Variants in HTD2 observed in about 807,000 individuals in gnomAD.
HTD2 encodes the protein hydroxyacyl-thioester dehydratase type 2, mitochondrial.
In HTD2, 1 loss-of-function variant was observed where a neutral mutation model predicts 3.1. The ratio of observed to expected loss-of-function variants is 0.32; its 90% CI spans 0.11 to 1.52. The LOEUF (loss-of-function observed/expected upper bound fraction) is 1.52. Among genes scored for constraint, HTD2 ranks in the 40% most tolerant of loss-of-function variants. HTD2 has a pLI of 0.39. For synonymous variants in HTD2, 50 were observed against 28.9 expected (o/e 1.73, Z -2.34); for missense variants, 150 against 79.6 (o/e 1.88, Z -3.36).
chr3:58,310,452 T>C, intron 1 of HTD2, 55 bp from the exon 2 acceptor site: 1 of 1,603,144 alleles, frequency 6.2e-7, no homozygotes, highest in East Asian at 2.2e-5. Context: ...TTTTCTAACA[T>C]GAATCTGAAT....
chr3:58,314,788 G>A (rs2097486594), intron 2 of HTD2, among the ~76,000 whole-genome samples: 1 of 149,092 alleles, frequency 6.7e-6, no homozygotes, highest in Admixed American at 6.8e-5. Context: ...AGGTTCAGGC[G>A]ATTCTCCTGT....
chr3:58,314,675 ATTTTT>A (rs751757663), intron 2 of HTD2, among the ~76,000 whole-genome samples: 1 of 90,556 alleles, frequency 1.1e-5, no homozygotes, highest in Non-Finnish European at 1.9e-5. Context: ...GTTTGGCAGT[ATTTTT>A]TTTTTTTTTT....
chr3:58,318,012 G>A lies in HTD2; in HGVS notation c.399G>A (p.Leu133=), dbSNP rs1450992424. Residue 133 remains leucine, a synonymous_variant, in exon 5 of 5, where the codon CTG becomes CTA. Coordinates refer to ENST00000461393, the MANE Select transcript of HTD2 (RefSeq NM_001348712.2). Reference sequence around the variant, plus strand: ...TAGCTTCTGCAGAAGTGAAAAAGCTGAAGCGGTTCATTGCTATTATTGCAG... The same window carrying A: ...TAGCTTCTGCAGAAGTGAAAAAGCTAAAGCGGTTCATTGCTATTATTGCAG... ...VVLASAEVKK[L]KRFIAIIAVS... The A allele has an allele frequency of 1.4e-6, 1 of 702,744 alleles. No individual in the cohort carries two copies. The allele number at this position is 702,744 out of a possible 1,614,324, so 43.5% of individuals were successfully genotyped here.
At chr3:58,316,385 G>A (rs1559795728) in intron 2 of HTD2, 130 bp from the exon 3 acceptor site, 2 of 781,390 alleles carry the variant, frequency 2.6e-6, no homozygotes, top group South Asian at 1.6e-5. Flanking sequence ...CAACTAAAGT[G>A]CCAGCACCAT....
In HTD2 at chr3:58,310,499, T is replaced by C; in HGVS notation, c.-415-8T>C. 1 of 1,607,484 alleles carries C rather than the reference T, an allele frequency of 6.2e-7. No homozygotes were observed. The highest frequency in any genetic ancestry group is 8.5e-7 in the Non-Finnish European group (1 of 1,177,904). On this transcript the variant is annotated splice_polypyrimidine_tract_variant and splice_region_variant and intron_variant, in intron 1 of 4. Transcript: ENST00000461393. ...TAATATGACTTTTTTTTTTTTCACT[T>C]TTTTTAGAGAATTTCAAGATTGTGG...
Position 58,317,004 on chromosome 3 carries a change from T to C in HTD2, c.-175+11T>C, listed in dbSNP as rs1196046191. Reference sequence around the variant, plus strand: ...TTCCGGGTGATTCAGGTAAAGACTATTCCCTCACATATTCCAAACAAGACT... The same window carrying C: ...TTCCGGGTGATTCAGGTAAAGACTACTCCCTCACATATTCCAAACAAGACT... On this transcript the variant is annotated intron_variant, in intron 4 of 4. Coordinates refer to ENST00000461393, the MANE Select transcript of HTD2 (RefSeq NM_001348712.2). 4 of 1,597,140 alleles carry C rather than the reference T, an allele frequency of 2.5e-6. No homozygotes were observed. In the South Asian group the frequency reaches 4.4e-5, roughly 18 times the overall value.
chr3:58,313,795 G>T (rs1025182768), intron 2 of HTD2, among the ~76,000 whole-genome samples: 10 of 151,810 alleles, frequency 6.6e-5, no homozygotes, highest in African/African-American at 1.9e-4. Context: ...TCCATGGCTG[G>T]GGGTAGGGGT....
chr3:58,316,564 T>G lies in HTD2; in HGVS notation c.-281T>G, dbSNP rs140463340. 4.3e-5 allele frequency: 69 copies of G among 1,614,122 alleles called. No homozygotes were observed. The East Asian group carries it at 1.5e-3, about 34-fold the overall frequency. On this transcript the variant is annotated 5_prime_UTR_variant, in exon 3 of 5. Transcript: ENST00000461393. ...ATCCTAACCTATGAAGAGAAGACCT[T>G]GTCAGCCATCTTGAGAATATGTAGC...
At chr3:58,307,964 A>G (rs1044618898) in intron 1 of HTD2, 5 of 151,734 alleles carry the variant, frequency 3.3e-5, no homozygotes, top group African/African-American at 1.2e-4. Flanking sequence ...ACCACTGTCC[A>G]TCTCGTGAAT....
Position 58,310,598 on chromosome 3 carries a change from A to G in HTD2, c.-331+7A>G. 2 of 1,607,668 alleles carry G rather than the reference A, an allele frequency of 1.2e-6. No homozygotes were observed. The highest frequency in any genetic ancestry group is 1.7e-6 in the Non-Finnish European group (2 of 1,176,790). On this transcript the variant is annotated splice_region_variant and intron_variant, in intron 2 of 4. Coordinates refer to ENST00000461393, the MANE Select transcript of HTD2 (RefSeq NM_001348712.2). ...GAAGGACCTGTTTGGGGAGGTATGGAATCACTTGGTAGATTGAACATTCCA... is the reference window on the plus strand; with the variant it reads ...GAAGGACCTGTTTGGGGAGGTATGGGATCACTTGGTAGATTGAACATTCCA...
chr3:58,309,119 G>A (rs765808697), intron 1 of HTD2, among the ~76,000 whole-genome samples: 1 of 152,248 alleles, frequency 6.6e-6, no homozygotes, highest in African/African-American at 2.4e-5. Flanking sequence ...GCAGACACAG[G>A]ATGGGAGGAG....
At position 58,310,205 on chromosome 3, in the gene HTD2, T is replaced by C. The variant is rs1250898444; in HGVS notation, c.-415-302T>C. ...CTAGGTGACAGGGTGAGACCCTGCC[T>C]TAAAACAAACAAACAAAAAAAACCC... On this transcript the variant is annotated intron_variant, in intron 1 of 4. Transcript: ENST00000461393. 9.7e-6 allele frequency: 8 copies of C among 828,702 alleles called. No homozygotes were observed. The East Asian group carries it at 1.8e-4, about 19-fold the overall frequency. The allele number at this position is 828,702 out of a possible 1,614,324, so 51.3% of individuals were successfully genotyped here.
chr3:58,310,293 T>C (rs1259814914), intron 1 of HTD2: 2 of 1,589,028 alleles, frequency 1.3e-6, no homozygotes, highest in South Asian at 2.2e-5. Flanking sequence ...TTTCTAGCCC[T>C]CTTGACTTAC....
intron 1 of HTD2, chr3:58,308,044 C>T (rs2097477558): frequency 6.6e-6 from 1 of 151,606 alleles, no homozygotes; most frequent in Non-Finnish European, 1.5e-5. Context: ...TTTAGGCAGC[C>T]AGCTCCATCA....
At chr3:58,308,403 C>T (rs182455558) in intron 1 of HTD2, among the ~76,000 whole-genome samples, 46 of 152,198 alleles carry the variant, frequency 3.0e-4, no homozygotes, top group Admixed American at 2.9e-3. Flanking sequence ...CCCACCTCAG[C>T]CCCTGGAGTA....
chr3:58,310,928 C>CA (rs35474505), intron 2 of HTD2, among the ~76,000 whole-genome samples: 39 of 119,032 alleles, frequency 3.3e-4, no homozygotes, highest in South Asian at 7.3e-4. Flanking sequence ...GACTCTGTCA[C>CA]AAAAAAAAAA....
intron 1 of HTD2, among the ~76,000 whole-genome samples, chr3:58,309,194 G>A (rs193041869): frequency 6.6e-6 from 1 of 152,322 alleles, no homozygotes; most frequent in Admixed American, 6.5e-5. Flanking sequence ...TAAACAAGAA[G>A]AGGACCTTCA....
At chr3:58,306,974 G>A (rs1196768016) in intron 1 of HTD2, among the ~76,000 whole-genome samples, 3 of 152,250 alleles carry the variant, frequency 2.0e-5, no homozygotes, top group Admixed American at 2.0e-4. Context: ...AGCCGAGAAG[G>A]GCACTGGGCC....
rs1169453289 is a variant in HTD2 at position 58,319,333 on chromosome 3, AT to A, written c.*1214del. On this transcript the variant is annotated 3_prime_UTR_variant, in exon 5 of 5. Transcript: ENST00000461393. Reference sequence around the variant, plus strand: ...TTATGTAAACGGTCTGATCTGTAAAATAGTGGTAGCACATGCCATGTGGGAT... The same window carrying A: ...TTATGTAAACGGTCTGATCTGTAAAAAGTGGTAGCACATGCCATGTGGGAT... 6.6e-6 allele frequency: 1 copy of A among 152,208 alleles called. No individual in the cohort carries two copies. The highest frequency in any genetic ancestry group is 1.5e-5 in the Non-Finnish European group (1 of 68,054). The allele number at this position is 152,208 out of a possible 1,614,324, so 9.4% of individuals were successfully genotyped here.
Sources: allele counts gnomAD v4.1 joint callset (sites outside exome capture counted in the v4.1 genomes callset), GRCh38; gene constraint gnomAD v4.1.1; transcripts MANE v1.5; gene names NCBI Gene and HGNC (gene_info 2026-07-23, HGNC 2026-07-21).